Variants in CELF2 observed in about 807,000 individuals in gnomAD.
The protein encoded by CELF2 is CUG triplet repeat RNA-binding protein 2.
In CELF2, 8 loss-of-function variants were observed where a neutral mutation model predicts 62.6. The ratio of observed to expected loss-of-function variants is 0.13; its 90% CI spans 0.07 to 0.23. The LOEUF (loss-of-function observed/expected upper bound fraction) is 0.23. CELF2 is among the 10% of genes least tolerant of loss of function. CELF2 has a pLI of 1.00. For synonymous variants in CELF2, 258 were observed against 250.0 expected (o/e 1.03, Z -0.30); for missense variants, 333 against 671.0 (o/e 0.50, Z 5.56).
At chr10:10,614,430 A>T in the CELF2 span, among the ~76,000 whole-genome samples, 1 of 152,046 alleles carries the variant, frequency 6.6e-6, no homozygotes, top group South Asian at 2.1e-4. Context: ...AGTTCTCCAT[A>T]GGAGTTGTTT....
chr10:10,943,679 A>G (rs2047302438), intron 2 of CELF2, among the ~76,000 whole-genome samples: 1 of 151,652 alleles, frequency 6.6e-6, no homozygotes, highest in Admixed American at 6.6e-5. Flanking sequence ...GTTCACTGCA[A>G]CCTCTGCTTC....
chr10:10,572,745 T>A, the CELF2 span, among the ~76,000 whole-genome samples: 8 of 152,234 alleles, frequency 5.3e-5, no homozygotes, highest in Admixed American at 4.6e-4. Flanking sequence ...ATTTTCTTTA[T>A]CCGGTCTATC....
chr10:11,299,466 C>G (rs58800691), intron 9 of CELF2, among the ~76,000 whole-genome samples: 2,471 of 152,278 alleles, frequency 0.016, 67 homozygotes, highest in African/African-American at 0.056. Flanking sequence ...CCCCAACCCC[C>G]CCCAGGAAGG....
chr10:10,629,022 T>G, the CELF2 span, among the ~76,000 whole-genome samples: 2 of 152,110 alleles, frequency 1.3e-5, no homozygotes, highest in Admixed American at 1.3e-4. Context: ...ATTAATAGAC[T>G]GTGATAGAAA....
At chr10:11,221,236 G>A (rs1014031037) in intron 3 of CELF2, among the ~76,000 whole-genome samples, 8 of 152,158 alleles carry the variant, frequency 5.3e-5, no homozygotes, top group South Asian at 2.1e-4. Flanking sequence ...GTCAATTTGG[G>A]GTTAAAGATA....
Position 11,217,490 on chromosome 10 carries a change from A to G in CELF2, c.337A>G (p.Ile113Val), listed in dbSNP as rs2063643739. 3 of 1,611,416 alleles carry G rather than the reference A, an allele frequency of 1.9e-6. No homozygotes were observed. The highest frequency in any genetic ancestry group is 2.5e-6 in the Non-Finnish European group (3 of 1,178,178). Reference protein sequence around the residue: ...ALEAQNALHNIKTLPGMHHPI... With the variant: ...ALEAQNALHNVKTLPGMHHPI... ...TGAGGCCCAGAATGCACTGCACAAT[A>G]TTAAAACTTTACCTGGGGTGAGTCG... Residue 113 changes from isoleucine (I) to valine (V), a missense_variant, in exon 3 of 13, where the codon ATT (isoleucine) becomes GTT (valine). Around this residue, in one of 3 missense-constraint regions of CELF2, gnomAD observed 253 missense variants for 503.0 expected, o/e 0.50. Transcript: ENST00000633077. This position sits in a 1 kb window ranked among gnomAD's most constrained non-coding sequence, Gnocchi z 5.6.
the CELF2 span, among the ~76,000 whole-genome samples, chr10:10,589,761 T>C: frequency 6.6e-6 from 1 of 152,224 alleles, no homozygotes; most frequent in South Asian, 2.1e-4. Flanking sequence ...CCAGAGAAAT[T>C]AGGCAAATTC....
chr10:10,607,139 T>G, the CELF2 span, among the ~76,000 whole-genome samples: 55 of 152,316 alleles, frequency 3.6e-4, no homozygotes, highest in South Asian at 0.011. Context: ...CTTACTCAGT[T>G]TATAACCTCA....
chr10:10,840,479 G>A (rs770847241), intron 1 of CELF2, among the ~76,000 whole-genome samples: 1 of 152,064 alleles, frequency 6.6e-6, no homozygotes, highest in Non-Finnish European at 1.5e-5. Context: ...ATATCTTTTT[G>A]TATACTTAAC....
At chr10:10,728,010 G>C in the CELF2 span, among the ~76,000 whole-genome samples, 1 of 152,070 alleles carries the variant, frequency 6.6e-6, no homozygotes, top group Non-Finnish European at 1.5e-5. Flanking sequence ...CTAGCCACAG[G>C]TAGAGGTGTC....
chr10:11,052,415 C>T (rs968113249), intron 1 of CELF2, among the ~76,000 whole-genome samples: 6 of 152,130 alleles, frequency 3.9e-5, no homozygotes, highest in Non-Finnish European at 8.8e-5. Flanking sequence ...GAGATTGAAG[C>T]TTCTTTATGC....
At chr10:10,655,229 C>G in the CELF2 span, among the ~76,000 whole-genome samples, 14 of 142,230 alleles carry the variant, frequency 9.8e-5, 1 homozygote, top group East Asian at 2.0e-4. Flanking sequence ...AGGATACAAA[C>G]AAATGGAAGA....
At chr10:10,688,281 T>C in the CELF2 span, among the ~76,000 whole-genome samples, 1 of 152,186 alleles carries the variant, frequency 6.6e-6, no homozygotes, top group Non-Finnish European at 1.5e-5. Context: ...AGGTAGGAGA[T>C]AAAGTGCTTG....
At chr10:10,929,017 G>A (rs567437860) in intron 2 of CELF2, among the ~76,000 whole-genome samples, 5 of 152,176 alleles carry the variant, frequency 3.3e-5, no homozygotes, top group Non-Finnish European at 7.4e-5. Flanking sequence ...GAAGGAGGAA[G>A]GATTGAGGAA....
chr10:10,650,054 C>A, the CELF2 span, among the ~76,000 whole-genome samples: 1 of 152,166 alleles, frequency 6.6e-6, no homozygotes, highest in Non-Finnish European at 1.5e-5. Context: ...CACATTGCAA[C>A]CATCAGGAAA....
chr10:10,809,132 G>A (rs940587850), intron 1 of CELF2, among the ~76,000 whole-genome samples: 2 of 152,108 alleles, frequency 1.3e-5, no homozygotes, highest in African/African-American at 4.8e-5. Flanking sequence ...TCCTTAAAAA[G>A]AAGAGATGCC....
chr10:10,852,505 G>A (rs185811882), intron 1 of CELF2, among the ~76,000 whole-genome samples: 1 of 152,110 alleles, frequency 6.6e-6, no homozygotes, highest in African/African-American at 2.4e-5. Flanking sequence ...TGCTTGTGGT[G>A]GTAGAATTGT....
chr10:10,910,484 C>T (rs1364561477), intron 1 of CELF2, among the ~76,000 whole-genome samples: 1 of 151,968 alleles, frequency 6.6e-6, no homozygotes, highest in Non-Finnish European at 1.5e-5. Flanking sequence ...CATTTGAGTT[C>T]ATGAGTTTGA....
chr10:10,535,600 A>G, the CELF2 span, among the ~76,000 whole-genome samples: 1 of 152,046 alleles, frequency 6.6e-6, no homozygotes, highest in Admixed American at 6.6e-5. Flanking sequence ...GGCGCCTGTA[A>G]TCCTAGCTAC....
Sources: gnomAD v4.1 joint callset for allele counts (sites outside exome capture counted in the v4.1 genomes callset) on GRCh38, gnomAD v4.1.1 for gene constraint, gnomAD v4.1.1 regional missense constraint, Gnocchi (gnomAD v3.1) non-coding constraint, MANE v1.5 for transcripts, NCBI Gene and HGNC (gene_info 2026-07-23, HGNC 2026-07-21) for gene names.